The following CCDC191 variants were observed in gnomAD, a reference collection of about 807,000 sequenced individuals.
The protein encoded by CCDC191 is coiled-coil domain containing 191.
A neutral mutation model predicts 114.0 loss-of-function variants in CCDC191; 99 were observed. The ratio of observed to expected loss-of-function variants is 0.87; its 90% CI spans 0.74 to 1.03. The LOEUF is 1.03. Among genes scored for constraint, CCDC191 ranks in the 50% least tolerant of loss-of-function variants. The pLI is 0.00. For missense variants in CCDC191, 973 were observed against 1,087.0 expected (o/e 0.90, Z 1.47); for synonymous variants, 351 against 376.0 (o/e 0.93, Z 0.77).
At chr3:113,968,483 C>G (rs1940451137) in intron 16 of CCDC191, among the ~76,000 whole-genome samples, 1 of 151,744 alleles carries the variant, frequency 6.6e-6, no homozygotes, top group Admixed American at 6.6e-5. Context: ...GGGCGTCACT[C>G]TGTCGCCCAG....
intron 14 of CCDC191, among the ~76,000 whole-genome samples, chr3:113,980,204 T>A (rs981903213): frequency 3.9e-5 from 6 of 152,182 alleles, no homozygotes; most frequent in Admixed American, 3.9e-4. Context: ...GTAACCAGAA[T>A]GAGAGGCTTG....
At chr3:114,044,400 C>T (rs1195430625) in intron 3 of CCDC191, among the ~76,000 whole-genome samples, 1 of 152,186 alleles carries the variant, frequency 6.6e-6, no homozygotes, top group African/African-American at 2.4e-5. Flanking sequence ...AAAATGCCTG[C>T]TTTAGCATAG....
Position 113,980,771 on chromosome 3 carries a change from C to G in CCDC191, c.2186G>C (p.Arg729Thr), listed in dbSNP as rs1231249533. The stretch of plus-strand genomic sequence containing the variant: ...TTCCAGCTGCTGGTTCCTCTTAATT[C>G]TCTTCTGCTTCTCAAGTTCTTTCTG... ...KKMKELEKQK[R>T]IKRNQQLEAI... is the part of the protein sequence containing the mutation. Residue 729 changes from arginine to threonine, a missense_variant, in exon 14 of 17, where the codon AGA becomes ACA. Transcript: ENST00000295878. The G allele has an allele frequency of 1.9e-6, 3 of 1,606,766 alleles. No individual in the cohort carries two copies. The highest frequency in any genetic ancestry group is 2.5e-6 in the Non-Finnish European group (3 of 1,178,104).
intron 2 of CCDC191, among the ~76,000 whole-genome samples, 162 bp downstream of exon 2, chr3:114,053,434 GA>G (rs969479323): frequency 5.9e-5 from 9 of 151,576 alleles, no homozygotes; most frequent in South Asian, 2.1e-4. Context: ...ACAGAATTAT[GA>G]AAAAAAATAC....
Position 114,036,644 on chromosome 3 carries a change from CT to C in CCDC191, c.557del (p.Lys186ArgfsTer9). ...TCATCTCCATGGTAAGACGAGGATC[CT>C]TCTGCTGCTTCTTGTCTTGGTTTTC... ...RKENQDKKQQ[K>X]DPRLTMEMRH... On this transcript the variant is annotated frameshift_variant, in exon 5 of 17. Transcript: ENST00000295878. LOFTEE classifies it high-confidence loss of function. 1 of 1,604,450 alleles carries C rather than the reference CT, an allele frequency of 6.2e-7. No homozygotes were observed. The highest frequency in any genetic ancestry group is 1.1e-5 in the South Asian group (1 of 89,978).
At chr3:114,028,580 C>T (rs952983041) in intron 7 of CCDC191, among the ~76,000 whole-genome samples, 5 of 151,892 alleles carry the variant, frequency 3.3e-5, no homozygotes, top group East Asian at 1.9e-4. Context: ...CCACCGTGCC[C>T]GGCCTCTAAA....
intron 13 of CCDC191, among the ~76,000 whole-genome samples, chr3:113,992,530 A>C (rs2075602166): frequency 6.6e-6 from 1 of 152,154 alleles, no homozygotes; most frequent in South Asian, 2.1e-4. Flanking sequence ...AGAAAAACCC[A>C]GGACTTCATT....
At chr3:113,974,321 TTTG>T (rs1171856617) in intron 16 of CCDC191, among the ~76,000 whole-genome samples, 1 of 145,838 alleles carries the variant, frequency 6.9e-6, no homozygotes, top group Non-Finnish European at 1.5e-5. Context: ...TTTGCTGTTT[TTTG>T]TTTTTTTTTT....
At chr3:114,054,601 C>T (rs1168165938) in intron 1 of CCDC191, among the ~76,000 whole-genome samples, 4 of 152,158 alleles carry the variant, frequency 2.6e-5, no homozygotes, top group African/African-American at 9.7e-5. Flanking sequence ...TGCACCACTG[C>T]GCTCCAGCCT....
At chr3:114,006,587 G>GATATATATATATATATATATAT (rs67264886) in intron 9 of CCDC191, among the ~76,000 whole-genome samples, 29 of 82,604 alleles carry the variant, frequency 3.5e-4, no homozygotes, top group East Asian at 1.5e-3. Context: ...GGTTACTCCA[G>GATATATATATATATATATATAT]ATATATATAT....
chr3:114,015,620 G>A (rs181968963), intron 8 of CCDC191, among the ~76,000 whole-genome samples: 27 of 152,204 alleles, frequency 1.8e-4, no homozygotes, highest in African/African-American at 5.5e-4. Context: ...AACACACTAA[G>A]GAAATTGAAT....
At chr3:113,986,234 A>G (rs1219173653) in intron 13 of CCDC191, among the ~76,000 whole-genome samples, 1 of 152,234 alleles carries the variant, frequency 6.6e-6, no homozygotes, top group Non-Finnish European at 1.5e-5. Context: ...CAGCCAAGGA[A>G]AGAACCAGCT....
chr3:114,006,667 T>C lies in CCDC191; in HGVS notation c.1414-705A>G, dbSNP rs1045439878. ...AAACATGAATTTAATATGCATAAAT[T>C]GACTCTGAATTTTAGTGGAAATTTG... On this transcript the variant is annotated intron_variant, in intron 9 of 16. Transcript: ENST00000295878. Among the ~76,000 whole-genome samples, 6 of 146,372 alleles carry C rather than the reference T, an allele frequency of 4.1e-5. No homozygotes were observed. The East Asian group carries it at 8.0e-4, about 20-fold the overall frequency.
chr3:113,975,139 C>T (rs1376672230), intron 16 of CCDC191, among the ~76,000 whole-genome samples: 1 of 152,118 alleles, frequency 6.6e-6, no homozygotes, highest in Non-Finnish European at 1.5e-5. Flanking sequence ...ACTTCATGTT[C>T]ATACTGTGGT....
At chr3:114,045,734 A>G (rs1012031316) in intron 3 of CCDC191, among the ~76,000 whole-genome samples, 5 of 151,954 alleles carry the variant, frequency 3.3e-5, no homozygotes, top group Non-Finnish European at 7.4e-5. Context: ...GCAGCACACC[A>G]TGCCTGTCTG....
In CCDC191 at chr3:113,991,483, A is replaced by G. The variant is rs79060170; in HGVS notation, c.2163+10112T>C. Among the ~76,000 whole-genome samples, 712 of 152,254 alleles carry G rather than the reference A, an allele frequency of 4.7e-3. 7 individuals are homozygous for G. The highest frequency in any genetic ancestry group is 0.016 in the African/African-American group (677 of 41,550). ...AAGCTTTCAGTGAAATTTGTAATAA[A>G]CACTCTCAGCAATCTAGGAATAAAT... On this transcript the variant is annotated intron_variant, in intron 13 of 16. Coordinates refer to ENST00000295878, the MANE Select transcript of CCDC191 (RefSeq NM_020817.2).
intron 10 of CCDC191, among the ~76,000 whole-genome samples, chr3:114,004,983 T>C (rs1577396756): frequency 6.6e-6 from 1 of 152,180 alleles, no homozygotes; most frequent in Non-Finnish European, 1.5e-5. Context: ...TTCAAATCCA[T>C]AGGTGTCACC....
chr3:113,982,086 G>A (rs1241030619), intron 13 of CCDC191, among the ~76,000 whole-genome samples: 1 of 152,190 alleles, frequency 6.6e-6, no homozygotes, highest in African/African-American at 2.4e-5. Context: ...CTTTGGAGAA[G>A]CCCTCAGGCT....
intron 13 of CCDC191, among the ~76,000 whole-genome samples, chr3:113,996,172 G>T (rs1577378317): frequency 6.6e-6 from 1 of 151,992 alleles, no homozygotes; most frequent in East Asian, 1.9e-4. Flanking sequence ...AATTGCTATT[G>T]GTGTCTTTGC....
Sources: gnomAD v4.1 joint callset for allele counts (sites outside exome capture counted in the v4.1 genomes callset) on GRCh38, gnomAD v4.1.1 for gene constraint, MANE v1.5 for transcripts, NCBI Gene and HGNC (gene_info 2026-07-23, HGNC 2026-07-21) for gene names.